The following FCGR1A variants were observed in gnomAD, a reference collection of about 807,000 sequenced individuals.
FCGR1A encodes Fc gamma receptor Ia, also known as high affinity immunoglobulin gamma Fc receptor I.
A neutral mutation model predicts 35.0 loss-of-function variants in FCGR1A; 13 were observed. That is an observed-to-expected ratio of 0.37 (90% CI 0.24 to 0.59). The LOEUF is 0.59. Ranked by LOEUF, FCGR1A falls within the 20% of genes least tolerant of loss-of-function variation. The probability of loss-of-function intolerance (pLI) is 0.71; values close to 1 mark genes in which losing one functional copy is unlikely to be tolerated. For synonymous variants in FCGR1A, 91 were observed against 164.7 expected, an observed-to-expected ratio of 0.55 and a Z score of 3.43; for missense variants, 227 against 430.0, an observed-to-expected ratio of 0.53 and a Z score of 4.17.
chr1:149,793,064 C>G (rs1243729536), downstream of FCGR1A: 20 of 1,264,832 alleles, frequency 1.6e-5, no homozygotes, highest in African/African-American at 2.9e-4. Flanking sequence ...CGCCACCTGG[C>G]GGCCGTCTGT....
At chr1:149,787,160 G>A (rs1208013017) in intron 3 of FCGR1A, 2 of 152,208 alleles carry the variant, frequency 1.3e-5, no homozygotes, top group African/African-American at 2.4e-5. Context: ...TGGGAATAAG[G>A]GAGGGAAGAG....
the FCGR1A span, among the ~76,000 whole-genome samples, chr1:149,796,754 C>G: frequency 2.6e-5 from 4 of 152,214 alleles, no homozygotes; most frequent in Non-Finnish European, 4.4e-5. Context: ...ATTATTTTAA[C>G]AAATGCTTAT....
At chr1:149,792,664 G>T (rs1179062759), downstream of FCGR1A, 1 of 1,277,398 alleles carries the variant, frequency 7.8e-7, no homozygotes, top group South Asian at 1.2e-5. Flanking sequence ...TCTGGGGGCC[G>T]CAGCCGCCAG....
chr1:149,792,496 A>C (rs1367869082), downstream of FCGR1A: 4 of 1,109,390 alleles, frequency 3.6e-6, no homozygotes, highest in African/African-American at 7.0e-5. Context: ...TTTAGGGAAA[A>C]AAAACAGGAG....
At chr1:149,794,122 G>A, downstream of FCGR1A, 1 of 452,160 alleles carries the variant, frequency 2.2e-6, no homozygotes, top group South Asian at 1.6e-5. Flanking sequence ...AAAGAGACCA[G>A]TTAGGAGTCT....
intron 4 of FCGR1A, 114 bp from the exon 5 acceptor site, chr1:149,789,940 T>G (rs1248565102): frequency 4.9e-5 from 79 of 1,601,168 alleles, no homozygotes; most frequent in Non-Finnish European, 6.6e-5. Flanking sequence ...GGTTAATGCC[T>G]TATGGATGCA....
At chr1:149,792,627 A>T (rs587744576), downstream of FCGR1A, 169 of 1,258,268 alleles carry the variant, frequency 1.3e-4, 15 homozygotes, top group South Asian at 2.0e-3. Context: ...CTGTGGCCGC[A>T]TGTGCATATT....
At chr1:149,786,721 C>T (rs587699966) in intron 3 of FCGR1A, 1 of 152,284 alleles carries the variant, frequency 6.6e-6, no homozygotes, top group East Asian at 1.9e-4. Context: ...ATATATAATA[C>T]TACCATTACC....
intron 1 of FCGR1A, 175 bp from the exon 2 acceptor site, chr1:149,782,995 T>C: frequency 3.4e-6 from 2 of 594,150 alleles, no homozygotes; most frequent in South Asian, 4.0e-5. Flanking sequence ...GTTTCCTTGA[T>C]AACCACCTGT....
intron 4 of FCGR1A, among the ~76,000 whole-genome samples, chr1:149,789,262 G>A (rs1467009582): frequency 2.6e-5 from 4 of 151,862 alleles, no homozygotes; most frequent in African/African-American, 7.3e-5. Context: ...GAAATGTGGC[G>A]GGCACCTGTA....
intron 3 of FCGR1A, chr1:149,787,212 G>T (rs1374560832): frequency 6.6e-6 from 1 of 152,180 alleles, no homozygotes; most frequent in Non-Finnish European, 1.5e-5. Flanking sequence ...ATCCATGACT[G>T]TAAAATTCAT....
intron 4 of FCGR1A, among the ~76,000 whole-genome samples, chr1:149,789,830 C>T (rs2091656077): frequency 6.6e-6 from 1 of 152,078 alleles, no homozygotes; most frequent in Non-Finnish European, 1.5e-5. Context: ...GGTTGGGGAC[C>T]ACTGGTATAG....
In FCGR1A at chr1:149,788,348, T is replaced by C. The variant is rs1553751064; in HGVS notation, c.308-18T>C. The C allele has an allele frequency of 2.5e-6, 4 of 1,612,128 alleles. No homozygotes were observed. The highest frequency in any genetic ancestry group is 3.4e-6 in the Non-Finnish European group (4 of 1,179,860). ...CCTCCTCCACTGTATACATACATTT[T>C]GGGTTCATATTTTTCAGGCTGGCTA... is the stretch of plus-strand genomic sequence containing the variant. On this transcript the variant is annotated intron_variant, in intron 3 of 5. Coordinates refer to ENST00000369168, the MANE Select transcript of FCGR1A (RefSeq NM_000566.4).
the FCGR1A span, among the ~76,000 whole-genome samples, chr1:149,797,359 C>T: frequency 2.6e-5 from 4 of 151,866 alleles, no homozygotes; most frequent in Non-Finnish European, 4.4e-5. Context: ...TGTCTACATT[C>T]GCAAATATAT....
rs1553751622 is a variant in FCGR1A, at chr1:149,790,319, G to A, written c.825G>A (p.Glu275=). The A allele has an allele frequency of 6.3e-7, 1 of 1,588,610 alleles. No individual in the cohort carries two copies. The highest frequency in any genetic ancestry group is 8.6e-7 in the Non-Finnish European group (1 of 1,167,698). The part of the protein sequence containing the change: ...EDGNVLKRSP[E]LELQVLGLQL... ...GAAATGTCCTTAAGCGCAGCCCTGA[G>A]TTGGAGCTTCAAGTGCTTGGTGAGT... The change falls in exon 5 of 6, where the codon GAG becomes GAA. Residue 275 remains glutamate (E), a synonymous_variant. Transcript: ENST00000369168.
At chr1:149,797,108 T>C in the FCGR1A span, among the ~76,000 whole-genome samples, 1 of 152,232 alleles carries the variant, frequency 6.6e-6, no homozygotes, top group Non-Finnish European at 1.5e-5. Context: ...AGACGAGGTT[T>C]CACCATCTTG....
rs782518905 is a variant in FCGR1A, at chr1:149,788,503, T to G, written c.445T>G (p.Trp149Gly). ...TGGCAAAGCCTTTAAGTTTTTCCAC[T>G]GGAATTCTAACCTCACCATTCTGAA... is the stretch of plus-strand genomic sequence containing the variant. The part of the protein sequence containing the change: ...RNGKAFKFFH[W>G]NSNLTILKTN... The change falls in exon 4 of 6, where the codon TGG (tryptophan) becomes GGG (glycine). Residue 149 changes from tryptophan to glycine, a missense_variant. By Grantham distance (184) the Trp-to-Gly change is radical. Around this residue, in one of 3 missense-constraint regions of FCGR1A, gnomAD observed 185 missense variants for 306.6 expected, o/e 0.60. Transcript: ENST00000369168. The G allele has an allele frequency of 6.2e-7, 1 of 1,613,686 alleles. No homozygotes were observed. Among genetic ancestry groups the G allele is most frequent in the African/African-American group, 1.3e-5 (1 of 74,852 alleles).
chr1:149,784,213 G>C lies in FCGR1A; in HGVS notation c.263G>C (p.Gly88Ala), dbSNP rs1553750534. 5.0e-6 allele frequency: 8 copies of C among 1,611,318 alleles called. No homozygotes were observed. The highest frequency in any genetic ancestry group is 2.3e-4 in the Middle Eastern group (1 of 4,430). The change falls in exon 3 of 6, where the codon GGT (glycine) becomes GCT (alanine). Residue 88 changes from glycine to alanine, a missense_variant. Transcript: ENST00000369168. ...NDSGEYRCQR[G>A]LSGRSDPIQL... is the part of the protein sequence containing the mutation. ...AGTGGTGAATACAGGTGCCAGAGAG[G>C]TCTCTCAGGGCGAAGTGACCCCATA... is the stretch of plus-strand genomic sequence containing the variant.
intron 4 of FCGR1A, among the ~76,000 whole-genome samples, chr1:149,789,766 C>T (rs1348645235): frequency 2.6e-5 from 4 of 152,148 alleles, no homozygotes; most frequent in Non-Finnish European, 1.5e-5. Flanking sequence ...CCCCACTTCA[C>T]CCCCCGGCTG....
Sources: allele counts gnomAD v4.1 joint callset (sites outside exome capture counted in the v4.1 genomes callset), GRCh38; gene constraint gnomAD v4.1.1; regional missense constraint gnomAD v4.1.1; transcripts MANE v1.5; gene names NCBI Gene and HGNC (gene_info 2026-07-23, HGNC 2026-07-21).